ABI3BP: variants seen among roughly 807,000 people sequenced by gnomAD.
The protein encoded by ABI3BP is target of Nesh-SH3.
A neutral mutation model predicts 268.6 loss-of-function variants in ABI3BP; 216 were observed. That is an observed-to-expected ratio of 0.80 (90% confidence interval 0.72 to 0.90). The LOEUF (loss-of-function observed/expected upper bound fraction) is 0.90, where lower values mean the gene tolerates loss of function less well. Among genes scored for constraint, ABI3BP ranks in the 40% least tolerant of loss-of-function variants. ABI3BP has a pLI of 0.00. For synonymous variants in ABI3BP, 730 were observed against 730.0 expected, an observed-to-expected ratio of 1.00 and a Z score of 0.00; for missense variants, 2,090 against 2,182.4, an observed-to-expected ratio of 0.96 and a Z score of 0.84.
At chr3:100,833,972 CA>C (rs2098535781) in intron 29 of ABI3BP, among the ~76,000 whole-genome samples, 1 of 152,146 alleles carries the variant, frequency 6.6e-6, no homozygotes, top group East Asian at 1.9e-4. Flanking sequence ...ACAGGCTCTA[CA>C]AATTTCAAGG....
chr3:100,816,923 A>G (rs1339989795), intron 42 of ABI3BP, among the ~76,000 whole-genome samples, 155 bp from the exon 43 acceptor site: 4 of 152,188 alleles, frequency 2.6e-5, no homozygotes, highest in Non-Finnish European at 4.4e-5. Flanking sequence ...ATCACTGAAG[A>G]TTCTTGAGAG....
chr3:100,810,380 C>T (rs2097830444), intron 49 of ABI3BP, 32 bp downstream of exon 49: 1 of 1,502,750 alleles, frequency 6.7e-7, no homozygotes, highest in Non-Finnish European at 8.9e-7. Context: ...AAACACTCAC[C>T]TCATATATGA....
At chr3:100,950,471 T>C (rs1270353027) in intron 1 of ABI3BP, among the ~76,000 whole-genome samples, 1 of 149,894 alleles carries the variant, frequency 6.7e-6, no homozygotes, top group Non-Finnish European at 1.5e-5. Flanking sequence ...TAGTTAGAAG[T>C]GGGTGAGTCA....
chr3:100,862,703 A>G, intron 13 of ABI3BP, 135 bp downstream of exon 13: 1 of 657,490 alleles, frequency 1.5e-6, no homozygotes. Context: ...TATTAAAAAA[A>G]AATCAAATCA....
chr3:100,816,742 G>T lies in ABI3BP; in HGVS notation c.3175C>A (p.Pro1059Thr). ...LAPKTQRTRR[P>T]RPRPKTTSSP... ...GATGTAGTTTTGGGTCTGGGACGGG[G>T]ACGACGTGTCCGTTGTGTTTTAGGA... is the stretch of plus-strand genomic sequence containing the variant. Residue 1059 changes from proline (P) to threonine (T), a missense_variant, in exon 43 of 68, where the codon CCC (proline) becomes ACC (threonine). Pro to Thr is a conservative substitution (Grantham distance 38, BLOSUM62 -1). Coordinates refer to ENST00000471714, the MANE Select transcript of ABI3BP (RefSeq NM_001375547.2). 6.5e-7 allele frequency: 1 copy of T among 1,535,840 alleles called. No homozygotes were observed. The highest frequency in any genetic ancestry group is 8.7e-7 in the Non-Finnish European group (1 of 1,146,684).
chr3:100,841,239 GA>G (rs1441371268), intron 21 of ABI3BP, among the ~76,000 whole-genome samples: 5 of 54,172 alleles, frequency 9.2e-5, no homozygotes, highest in Non-Finnish European at 9.8e-5. Flanking sequence ...CTCTTTTGAA[GA>G]AAAAGAAGCT....
chr3:100,986,416 A>C (rs569344607), intron 1 of ABI3BP, among the ~76,000 whole-genome samples: 6 of 152,208 alleles, frequency 3.9e-5, no homozygotes, highest in Non-Finnish European at 8.8e-5. Context: ...GTGAAATAAT[A>C]AATGTGTGTT....
chr3:100,884,407 T>G (rs116136039), intron 6 of ABI3BP, among the ~76,000 whole-genome samples: 315 of 152,242 alleles, frequency 2.1e-3, no homozygotes, highest in South Asian at 8.1e-3. Flanking sequence ...GATAATAATT[T>G]CACAATGAAC....
At chr3:100,948,173 T>A (rs756988693) in intron 1 of ABI3BP, among the ~76,000 whole-genome samples, 2 of 152,058 alleles carry the variant, frequency 1.3e-5, no homozygotes, top group Non-Finnish European at 2.9e-5. Flanking sequence ...TTAAAATATG[T>A]GTTAGAAGCA....
chr3:100,935,624 T>G (rs908846499), intron 1 of ABI3BP, among the ~76,000 whole-genome samples: 1 of 152,094 alleles, frequency 6.6e-6, no homozygotes, highest in African/African-American at 2.4e-5. Flanking sequence ...GGAATGTTTT[T>G]CCATTTGTTT....
intron 14 of ABI3BP, among the ~76,000 whole-genome samples, chr3:100,853,374 C>A (rs1027645995): frequency 6.6e-6 from 1 of 152,124 alleles, no homozygotes; most frequent in Non-Finnish European, 1.5e-5. Flanking sequence ...TCAAAAGTGC[C>A]CGCAATTTCT....
At chr3:100,814,284 C>T (rs1341495278) in intron 44 of ABI3BP, among the ~76,000 whole-genome samples, 1 of 152,066 alleles carries the variant, frequency 6.6e-6, no homozygotes, top group African/African-American at 2.4e-5. Context: ...TCAGTTCCTA[C>T]AAGAGCTAAG....
chr3:100,898,439 C>T (rs911724496), intron 4 of ABI3BP, among the ~76,000 whole-genome samples: 2 of 152,230 alleles, frequency 1.3e-5, no homozygotes, highest in African/African-American at 4.8e-5. Flanking sequence ...TTCCAATCAA[C>T]TTTCCAACTT....
chr3:100,821,256 G>C (rs1034629209), intron 38 of ABI3BP, 143 bp from the exon 39 acceptor site: 11 of 687,222 alleles, frequency 1.6e-5, no homozygotes, highest in Non-Finnish European at 2.1e-5. Context: ...AACTAAAAAA[G>C]TAGACAGTTG....
At chr3:100,955,294 A>T (rs1488720896) in intron 1 of ABI3BP, among the ~76,000 whole-genome samples, 1 of 152,206 alleles carries the variant, frequency 6.6e-6, no homozygotes, top group Non-Finnish European at 1.5e-5. Context: ...CAATAGCATC[A>T]TCAGAGCAGG....
intron 9 of ABI3BP, among the ~76,000 whole-genome samples, chr3:100,870,143 T>C (rs1166576780): frequency 6.6e-6 from 1 of 152,188 alleles, no homozygotes; most frequent in Non-Finnish European, 1.5e-5. Flanking sequence ...TATTTCTCCC[T>C]TCATGGCATA....
intron 1 of ABI3BP, among the ~76,000 whole-genome samples, chr3:100,974,074 A>G (rs2153897817): frequency 6.6e-6 from 1 of 152,290 alleles, no homozygotes; most frequent in South Asian, 2.1e-4. Flanking sequence ...TCCTATTAGC[A>G]GCTAAAAATA....
intron 62 of ABI3BP, among the ~76,000 whole-genome samples, chr3:100,770,245 T>A (rs529848260): frequency 6.6e-6 from 1 of 152,270 alleles, no homozygotes; most frequent in East Asian, 1.9e-4. Flanking sequence ...TTACAATCAT[T>A]TTTAGAGGAA....
intron 12 of ABI3BP, chr3:100,863,507 G>A (rs2099020483): frequency 1.3e-5 from 2 of 156,832 alleles, no homozygotes; most frequent in Non-Finnish European, 2.8e-5. Flanking sequence ...ATAGAGACGG[G>A]GTTTCACCAG....
Sources: gnomAD v4.1 joint callset for allele counts (sites outside exome capture counted in the v4.1 genomes callset) on GRCh38, gnomAD v4.1.1 for gene constraint, MANE v1.5 for transcripts, NCBI Gene and HGNC (gene_info 2026-07-23, HGNC 2026-07-21) for gene names.